RIMS1: variants seen among roughly 807,000 people sequenced by gnomAD.
RIMS1 encodes the protein regulating synaptic membrane exocytosis 1.
Under a neutral mutation model 214.1 loss-of-function variants are expected in RIMS1, and 83 were observed. That is an observed-to-expected ratio of 0.39 (90% CI 0.32 to 0.47). RIMS1 has a LOEUF of 0.47. RIMS1 is among the 20% of genes least tolerant of loss of function. The pLI is 0.99. For missense variants in RIMS1, 2,050 were observed against 2,161.8 expected (o/e 0.95, Z 1.03); for synonymous variants, 793 against 786.8 (o/e 1.01, Z -0.13).
At chr6:71,902,758 A>T (rs546918254) in intron 1 of RIMS1, among the ~76,000 whole-genome samples, 1 of 152,042 alleles carries the variant, frequency 6.6e-6, no homozygotes, top group Non-Finnish European at 1.5e-5. Context: ...GCTCCCACTT[A>T]TAAGTGAAAA....
intron 4 of RIMS1, among the ~76,000 whole-genome samples, chr6:72,141,026 G>A (rs1261619074): frequency 6.6e-6 from 1 of 151,960 alleles, no homozygotes; most frequent in Non-Finnish European, 1.5e-5. Context: ...CAGTTGATGA[G>A]TAGTAGGTTA....
chr6:72,397,826 G>T (rs1202982464), intron 31 of RIMS1, among the ~76,000 whole-genome samples: 3 of 152,060 alleles, frequency 2.0e-5, no homozygotes, highest in Admixed American at 1.3e-4. Flanking sequence ...AGACAGACAG[G>T]CAGAGAGATT....
chr6:72,295,390 G>A (rs2093959232), intron 26 of RIMS1, among the ~76,000 whole-genome samples: 1 of 151,596 alleles, frequency 6.6e-6, no homozygotes, highest in Admixed American at 6.6e-5. Context: ...TCTTTCATGT[G>A]GAAAATGTTA....
chr6:72,307,237 T>C (rs774042145), intron 26 of RIMS1, 21 bp from the exon 27 acceptor site: 12 of 1,504,252 alleles, frequency 8.0e-6, no homozygotes, highest in Non-Finnish European at 1.1e-5. Flanking sequence ...TTTAATAGGC[T>C]TCCATTATGT....
chr6:72,042,898 T>A (rs562007761), intron 2 of RIMS1, among the ~76,000 whole-genome samples: 169 of 151,904 alleles, frequency 1.1e-3, no homozygotes, highest in African/African-American at 4.0e-3. Flanking sequence ...AAATAAGTAT[T>A]CCGTGAAATT....
At chr6:72,372,456 A>G (rs1218353370) in intron 29 of RIMS1, among the ~76,000 whole-genome samples, 2 of 152,218 alleles carry the variant, frequency 1.3e-5, no homozygotes, top group African/African-American at 4.8e-5. Context: ...GTGAAACATT[A>G]AAATCTACAA....
chr6:72,251,584 C>G (rs2073346071), intron 15 of RIMS1, among the ~76,000 whole-genome samples: 1 of 152,086 alleles, frequency 6.6e-6, no homozygotes, highest in African/African-American at 2.4e-5. Context: ...AGCTGCAAGC[C>G]AAAAACCTCT....
chr6:72,017,043 C>A (rs1022236830), intron 2 of RIMS1, among the ~76,000 whole-genome samples: 12 of 152,078 alleles, frequency 7.9e-5, no homozygotes, highest in African/African-American at 2.9e-4. Flanking sequence ...TAAAAGATTG[C>A]CTCTTGAGAA....
At position 72,261,459 on chromosome 6, in the gene RIMS1, T is replaced by C. The variant is rs1563211241; in HGVS notation, c.3116+692T>C. The C allele has an allele frequency of 1.7e-5, 17 of 977,436 alleles. No homozygotes were observed. The South Asian group carries it at 7.6e-4, about 44-fold the overall frequency. 60.5% of individuals were successfully genotyped at this position (977,436 alleles called of 1,614,324 possible). On this transcript the variant is annotated intron_variant, in intron 19 of 33. Transcript: ENST00000521978. ...GGAGCTTAGAGCCTGATGCTTTATGTTAATCTCATTACATCTTTAATTTCA... is the reference window on the plus strand; with the variant it reads ...GGAGCTTAGAGCCTGATGCTTTATGCTAATCTCATTACATCTTTAATTTCA...
At chr6:72,148,742 C>T (rs1376011960) in intron 4 of RIMS1, 15 of 428,090 alleles carry the variant, frequency 3.5e-5, no homozygotes, top group East Asian at 2.8e-4. Flanking sequence ...GGGCTTCAAT[C>T]GAAAGCTCAG....
At chr6:71,897,937 AT>A (rs1772357903) in intron 1 of RIMS1, among the ~76,000 whole-genome samples, 1 of 152,200 alleles carries the variant, frequency 6.6e-6, no homozygotes, top group Non-Finnish European at 1.5e-5. Flanking sequence ...AACCACGGGA[AT>A]TCAGTCAGCA....
intron 29 of RIMS1, among the ~76,000 whole-genome samples, chr6:72,387,067 T>G (rs963227382): frequency 6.6e-6 from 1 of 152,130 alleles, no homozygotes; most frequent in African/African-American, 2.4e-5. Context: ...ACACGCAAAC[T>G]AGAATCTACG....
intron 2 of RIMS1, among the ~76,000 whole-genome samples, chr6:72,020,029 G>C (rs374865671): frequency 6.6e-6 from 1 of 152,150 alleles, no homozygotes; most frequent in East Asian, 1.9e-4. Flanking sequence ...GAAAACTGGG[G>C]TTCAAATCCT....
At chr6:72,377,730 G>A (rs1372329084) in intron 29 of RIMS1, among the ~76,000 whole-genome samples, 1 of 151,896 alleles carries the variant, frequency 6.6e-6, no homozygotes, top group African/African-American at 2.4e-5. Flanking sequence ...TATTCATCTT[G>A]TTCTTAGGAA....
intron 6 of RIMS1, chr6:72,216,700 C>G (rs1402180616): frequency 1.0e-6 from 1 of 985,652 alleles, no homozygotes; most frequent in Non-Finnish European, 1.2e-6. Flanking sequence ...CATGGGTATC[C>G]CAGTGAGTGT....
In RIMS1 at chr6:72,182,811, A is replaced by G; in HGVS notation, c.1340A>G (p.His447Arg). ...RAPGAKQLTNHSPPAPRHGPV... is the reference protein window; with the variant it reads ...RAPGAKQLTNRSPPAPRHGPV... ...CCGGGCGCCAAGCAGCTAACGAACCACAGCCCGCCGGCGCCCAGACATGGG... is the reference window on the plus strand; with the variant it reads ...CCGGGCGCCAAGCAGCTAACGAACCGCAGCCCGCCGGCGCCCAGACATGGG... The change falls in exon 6 of 34, where the codon CAC becomes CGC. Residue 447 changes from histidine to arginine, a missense_variant. Around this residue, in one of 6 missense-constraint regions of RIMS1, gnomAD observed 882 missense variants for 828.9 expected, o/e 1.06. Coordinates refer to ENST00000521978, the MANE Select transcript of RIMS1 (RefSeq NM_014989.7). The G allele has an allele frequency of 5.8e-6, 9 of 1,549,064 alleles. No homozygotes were observed. The South Asian group carries it at 1.1e-4, about 18-fold the overall frequency.
intron 6 of RIMS1, among the ~76,000 whole-genome samples, chr6:72,193,706 A>G (rs974168222): frequency 2.6e-5 from 4 of 152,172 alleles, no homozygotes; most frequent in African/African-American, 9.7e-5. Context: ...TATCTACCTC[A>G]TAAGGTTGTT....
intron 4 of RIMS1, among the ~76,000 whole-genome samples, chr6:72,118,132 G>T (rs1426303216): frequency 3.4e-5 from 5 of 148,542 alleles, no homozygotes; most frequent in African/African-American, 1.2e-4. Flanking sequence ...ATCATTCAAA[G>T]CTACTATAAA....
chr6:72,099,305 T>TAA (rs1339519829), intron 3 of RIMS1, among the ~76,000 whole-genome samples: 2 of 152,230 alleles, frequency 1.3e-5, no homozygotes. Flanking sequence ...TCATCTTTAC[T>TAA]AAACCCATCC....
Sources: gnomAD v4.1 joint callset for allele counts (sites outside exome capture counted in the v4.1 genomes callset) on GRCh38, gnomAD v4.1.1 for gene constraint, gnomAD v4.1.1 regional missense constraint, MANE v1.5 for transcripts, NCBI Gene and HGNC (gene_info 2026-07-23, HGNC 2026-07-21) for gene names.